The following TNPO1 variants were observed in gnomAD, a reference collection of about 807,000 sequenced individuals.
TNPO1 encodes the protein transportin 1.
In TNPO1, 8 loss-of-function variants were observed where a neutral mutation model predicts 119.5. The ratio of observed to expected loss-of-function variants is 0.07; its 90% confidence interval spans 0.04 to 0.12. The LOEUF is 0.12. Ranked by LOEUF, TNPO1 falls within the 10% of genes least tolerant of loss-of-function variation. The pLI, the probability that TNPO1 is intolerant of heterozygous loss-of-function variation, is 1.00. For synonymous variants in TNPO1, 362 were observed against 363.0 expected (o/e 1.00, Z 0.03); for missense variants, 576 against 1,089.8 (o/e 0.53, Z 6.64).
intron 7 of TNPO1, among the ~76,000 whole-genome samples, chr5:72,874,659 C>T (rs1047226412): frequency 6.6e-6 from 1 of 152,172 alleles, no homozygotes; most frequent in African/African-American, 2.4e-5. Flanking sequence ...AAAAATGCTG[C>T]AATAGTACTT....
At chr5:72,903,568 C>A in intron 22 of TNPO1, 141 bp from the exon 23 acceptor site, 1 of 602,330 alleles carries the variant, frequency 1.7e-6, no homozygotes, top group Non-Finnish European at 2.9e-6. Context: ...CTTCTAATTC[C>A]TTATGATCAT....
chr5:72,849,171 G>A (rs550436059), intron 2 of TNPO1, among the ~76,000 whole-genome samples: 28 of 152,282 alleles, frequency 1.8e-4, no homozygotes, highest in Non-Finnish European at 2.8e-4. Flanking sequence ...TAAAGCTTTG[G>A]CTCAAGGCTG....
chr5:72,874,617 G>A (rs1561333060), intron 7 of TNPO1, among the ~76,000 whole-genome samples: 1 of 152,178 alleles, frequency 6.6e-6, no homozygotes, highest in Non-Finnish European at 1.5e-5. Flanking sequence ...AGTGTCAAAT[G>A]TGGAAGCAGG....
chr5:72,856,401 T>C (rs188404234), intron 4 of TNPO1, among the ~76,000 whole-genome samples: 1 of 151,960 alleles, frequency 6.6e-6, no homozygotes, highest in Non-Finnish European at 1.5e-5. Flanking sequence ...CTGGCTAATT[T>C]TTGTACTTTT....
chr5:72,871,644 G>A (rs1404674335), intron 6 of TNPO1: 1 of 152,250 alleles, frequency 6.6e-6, no homozygotes, highest in East Asian at 1.9e-4. Context: ...TGCAAAGACT[G>A]AACAAAGTAA....
At chr5:72,841,897 A>G (rs181530310) in intron 1 of TNPO1, among the ~76,000 whole-genome samples, 4 of 151,446 alleles carry the variant, frequency 2.6e-5, no homozygotes, top group Admixed American at 2.0e-4. Flanking sequence ...AAAAAACAGT[A>G]TAAGAGAGAT....
intron 22 of TNPO1, among the ~76,000 whole-genome samples, chr5:72,903,196 TA>T (rs1329792773): frequency 1.3e-5 from 2 of 152,202 alleles, no homozygotes; most frequent in Non-Finnish European, 2.9e-5. Flanking sequence ...TGTAATTACA[TA>T]ATTAGTTTTT....
intron 3 of TNPO1, among the ~76,000 whole-genome samples, chr5:72,854,398 G>A (rs1386869514): frequency 1.3e-5 from 2 of 152,208 alleles, no homozygotes; most frequent in African/African-American, 4.8e-5. Context: ...GAAGATTTCA[G>A]TGCCATTCAG....
intron 21 of TNPO1, among the ~76,000 whole-genome samples, chr5:72,900,439 T>C (rs565177060): frequency 5.3e-5 from 8 of 152,334 alleles, no homozygotes; most frequent in Non-Finnish European, 1.0e-4. Flanking sequence ...TAGAATTAAT[T>C]TGGAAACTTG....
chr5:72,881,024 T>G (rs942289151), intron 9 of TNPO1, among the ~76,000 whole-genome samples: 2 of 152,120 alleles, frequency 1.3e-5, no homozygotes, highest in Non-Finnish European at 2.9e-5. Flanking sequence ...TACCAGCCAG[T>G]CCTTTATTTC....
chr5:72,833,329 G>A (rs909581386), intron 1 of TNPO1, among the ~76,000 whole-genome samples: 2 of 151,964 alleles, frequency 1.3e-5, no homozygotes, highest in Non-Finnish European at 2.9e-5. Context: ...TAGGGAGTTC[G>A]TCCACCTCTA....
At position 72,872,710 on chromosome 5, in the gene TNPO1, C is replaced by G. The variant is rs149944168; in HGVS notation, c.668C>G (p.Ser223Cys). 3.1e-6 allele frequency: 5 copies of G among 1,604,350 alleles called. No individual in the cohort carries two copies. In the South Asian group the frequency reaches 3.4e-5, roughly 11 times the overall value. Residue 223 changes from serine to cysteine, a missense_variant, in exon 7 of 25, where the codon TCT becomes TGT. This residue lies in a region of TNPO1 where 310 missense variants were observed against 583.0 expected (regional missense o/e 0.53). Transcript: ENST00000337273. ...CAAGCTCTAATGTTGCACATTGATT[C>G]TTTTATTGAGGTAAGACTTGTTCTT... ...RTQALMLHID[S>C]FIENLFALAG...
At chr5:72,849,156 C>G (rs1421482141) in intron 2 of TNPO1, among the ~76,000 whole-genome samples, 1 of 152,186 alleles carries the variant, frequency 6.6e-6, no homozygotes, top group African/African-American at 2.4e-5. Context: ...GTGAGATTTT[C>G]TTTTTAAAGC....
chr5:72,897,377 CT>C (rs1172489342), intron 20 of TNPO1, among the ~76,000 whole-genome samples: 3 of 152,102 alleles, frequency 2.0e-5, no homozygotes, highest in Non-Finnish European at 4.4e-5. Context: ...CTTTTTTCCC[CT>C]ATTCCAGTGT....
chr5:72,889,389 A>G (rs1748888796), intron 13 of TNPO1, among the ~76,000 whole-genome samples: 1 of 152,140 alleles, frequency 6.6e-6, no homozygotes, highest in African/African-American at 2.4e-5. Context: ...ACCTTAATCC[A>G]TCTGAAGCAG....
chr5:72,897,195 C>T (rs775073875), intron 20 of TNPO1, 44 bp downstream of exon 20: 2 of 1,451,552 alleles, frequency 1.4e-6, no homozygotes, highest in Non-Finnish European at 9.4e-7. Context: ...AAATTTGTTG[C>T]CTTTTAATTT....
chr5:72,872,967 G>T (rs952674797), intron 7 of TNPO1, among the ~76,000 whole-genome samples: 1 of 151,916 alleles, frequency 6.6e-6, no homozygotes, highest in Non-Finnish European at 1.5e-5. Flanking sequence ...TTTTGGTGGC[G>T]GGGTATGTTT....
At chr5:72,889,591 A>G (rs755883092) in intron 13 of TNPO1, among the ~76,000 whole-genome samples, 195 bp from the exon 14 acceptor site, 2 of 152,166 alleles carry the variant, frequency 1.3e-5, no homozygotes, top group Non-Finnish European at 2.9e-5. Flanking sequence ...CAACATAATT[A>G]TCATTTATGG....
At chr5:72,903,808 A>G (rs1749952707) in intron 23 of TNPO1, 25 bp downstream of exon 23, 2 of 1,464,772 alleles carry the variant, frequency 1.4e-6, no homozygotes, top group Non-Finnish European at 1.9e-6. Context: ...TTTATAATGC[A>G]TCATCTTGAG....
Sources: gnomAD v4.1 joint callset for allele counts (sites outside exome capture counted in the v4.1 genomes callset) on GRCh38, gnomAD v4.1.1 for gene constraint, gnomAD v4.1.1 regional missense constraint, MANE v1.5 for transcripts, NCBI Gene and HGNC (gene_info 2026-07-23, HGNC 2026-07-21) for gene names.